Variants in ADGRF5 observed in about 807,000 individuals in gnomAD.
ADGRF5 encodes adhesion G protein-coupled receptor F5.
Under a neutral mutation model 132.3 loss-of-function variants are expected in ADGRF5, and 75 were observed. The observed-to-expected ratio is 0.57, with a 90% CI of 0.47 to 0.69. The LOEUF (loss-of-function observed/expected upper bound fraction) is 0.69, where lower values mean the gene tolerates loss of function less well. Among genes scored for constraint, ADGRF5 ranks in the 30% least tolerant of loss-of-function variants. The pLI, the probability that ADGRF5 is intolerant of heterozygous loss-of-function variation, is 0.00. For missense variants in ADGRF5, 1,516 were observed against 1,630.6 expected, an observed-to-expected ratio of 0.93 and a Z score of 1.21; for synonymous variants, 629 against 597.6, an observed-to-expected ratio of 1.05 and a Z score of -0.77.
At chr6:46,894,533 C>G (rs1167504395) in intron 3 of ADGRF5, among the ~76,000 whole-genome samples, 1 of 152,128 alleles carries the variant, frequency 6.6e-6, no homozygotes, top group Non-Finnish European at 1.5e-5. Flanking sequence ...ACCAGTCTTC[C>G]TTACACTACA....
intron 20 of ADGRF5, among the ~76,000 whole-genome samples, chr6:46,855,234 T>C (rs1768904491): frequency 6.6e-6 from 1 of 152,222 alleles, no homozygotes; most frequent in Non-Finnish European, 1.5e-5. Flanking sequence ...GAATCAATAA[T>C]AGCAGGGTTG....
chr6:46,952,100 G>A (rs1778522365), intron 1 of ADGRF5, among the ~76,000 whole-genome samples: 1 of 152,094 alleles, frequency 6.6e-6, no homozygotes, highest in Admixed American at 6.5e-5. Flanking sequence ...AAAAGTTGTG[G>A]ACCCACCCAA....
intron 10 of ADGRF5, among the ~76,000 whole-genome samples, chr6:46,877,466 G>A (rs150391701): frequency 2.6e-5 from 4 of 151,026 alleles, no homozygotes; most frequent in African/African-American, 9.8e-5. Flanking sequence ...CAAATTGGAA[G>A]TAAAATGCTT....
chr6:46,942,025 A>T (rs1246350439), intron 1 of ADGRF5, among the ~76,000 whole-genome samples: 1 of 152,146 alleles, frequency 6.6e-6, no homozygotes, highest in African/African-American at 2.4e-5. Context: ...TTGTCATCTT[A>T]CTTTACCTTT....
chr6:46,877,487 G>A lies in ADGRF5; in HGVS notation c.1240+715C>T, dbSNP rs138148178. Among the ~76,000 whole-genome samples the A allele has an allele frequency of 2.6e-5, 4 of 151,188 alleles. No homozygotes were observed. In the East Asian group the frequency reaches 7.8e-4, roughly 29 times the overall value. On this transcript the variant is annotated intron_variant, in intron 10 of 20. Transcript: ENST00000283296. Reference sequence around the variant, plus strand: ...GGAAGTAAAATGCTTCAAATTTGTGGTCAAGCAATTTAAAAGCAGTAACAT... The same window carrying A: ...GGAAGTAAAATGCTTCAAATTTGTGATCAAGCAATTTAAAAGCAGTAACAT...
At chr6:46,933,318 C>T (rs1201935123) in intron 1 of ADGRF5, among the ~76,000 whole-genome samples, 1 of 152,174 alleles carries the variant, frequency 6.6e-6, no homozygotes, top group African/African-American at 2.4e-5. Context: ...ACATATCGCT[C>T]AGTAAAGTAA....
In ADGRF5 at chr6:46,868,991, TC is replaced by T; in HGVS notation, c.1512del (p.Trp504Ter). 1 of 1,612,940 alleles carries T rather than the reference TC, an allele frequency of 6.2e-7. No homozygotes were observed. Among genetic ancestry groups the T allele is most frequent in the Non-Finnish European group, 8.5e-7 (1 of 1,178,876 alleles). Reference protein sequence around the residue: ...SDVSNYDEVYWNTSAGIKIYQ... With the variant: ...SDVSNYDEVYXNTSAGIKIYQ... Reference sequence around the variant, plus strand: ...TATATTTTAATTCCAGCAGAAGTGTTCCAATAAACCTCATCATAGTTACTCA... The same window carrying T: ...TATATTTTAATTCCAGCAGAAGTGTTCAATAAACCTCATCATAGTTACTCA... On this transcript the variant is annotated frameshift_variant, in exon 12 of 21. Transcript: ENST00000283296. LOFTEE classifies it high-confidence loss of function.
upstream of ADGRF5, among the ~76,000 whole-genome samples, chr6:46,923,797 A>T (rs1404524307): frequency 6.6e-6 from 1 of 152,176 alleles, no homozygotes; most frequent in African/African-American, 2.4e-5. Flanking sequence ...AAAAAATGCA[A>T]CCACCATATG....
At chr6:46,916,946 G>A (rs1262461604) in intron 1 of ADGRF5, among the ~76,000 whole-genome samples, 2 of 152,126 alleles carry the variant, frequency 1.3e-5, no homozygotes, top group African/African-American at 2.4e-5. Context: ...TTCTTCTCGC[G>A]CTATTCTTGG....
intron 12 of ADGRF5, among the ~76,000 whole-genome samples, chr6:46,867,579 A>G (rs1179996232): frequency 6.6e-6 from 1 of 152,168 alleles, no homozygotes; most frequent in Non-Finnish European, 1.5e-5. Flanking sequence ...TCTCTAAGTG[A>G]GCAGGCCCTT....
intron 1 of ADGRF5, among the ~76,000 whole-genome samples, chr6:46,931,061 A>G (rs993840286): frequency 6.6e-6 from 1 of 151,766 alleles, no homozygotes; most frequent in African/African-American, 2.4e-5. Flanking sequence ...TTGAAAAAAA[A>G]TAATAAACAT....
intron 1 of ADGRF5, among the ~76,000 whole-genome samples, chr6:46,939,162 G>T (rs151336660): frequency 6.6e-6 from 1 of 152,176 alleles, no homozygotes; most frequent in Non-Finnish European, 1.5e-5. Flanking sequence ...GAGCCACCAC[G>T]CCCAGCCTTT....
chr6:46,942,208 A>G (rs1289685653), intron 1 of ADGRF5, among the ~76,000 whole-genome samples: 2 of 152,146 alleles, frequency 1.3e-5, no homozygotes, highest in Non-Finnish European at 1.5e-5. Flanking sequence ...GCTGAACTGC[A>G]TTACAATGCT....
At chr6:46,931,470 C>G (rs1777552699) in intron 1 of ADGRF5, among the ~76,000 whole-genome samples, 1 of 152,230 alleles carries the variant, frequency 6.6e-6, no homozygotes, top group Non-Finnish European at 1.5e-5. Flanking sequence ...ATTAGCTGTT[C>G]TCATCTCCCT....
intron 1 of ADGRF5, among the ~76,000 whole-genome samples, chr6:46,936,110 C>T (rs1414496592): frequency 6.6e-6 from 1 of 152,166 alleles, no homozygotes. Context: ...CACAGTGTGT[C>T]GGGTCCTGCT....
upstream of ADGRF5, among the ~76,000 whole-genome samples, chr6:46,926,310 C>G (rs1300212834): frequency 2.0e-5 from 3 of 152,084 alleles, no homozygotes; most frequent in Non-Finnish European, 4.4e-5. Flanking sequence ...ATTTTTTGAG[C>G]CAACTGGACA....
At chr6:46,943,337 A>T (rs988520970) in intron 1 of ADGRF5, among the ~76,000 whole-genome samples, 1 of 152,218 alleles carries the variant, frequency 6.6e-6, no homozygotes, top group Non-Finnish European at 1.5e-5. Flanking sequence ...TTTAAATCTT[A>T]TACTTTTCCC....
chr6:46,888,844 T>A (rs665712), intron 3 of ADGRF5, among the ~76,000 whole-genome samples: 3 of 151,978 alleles, frequency 2.0e-5, no homozygotes, highest in Non-Finnish European at 4.4e-5. Flanking sequence ...GTATGCATCA[T>A]TCGATAGATG....
At chr6:46,940,052 A>G (rs912511404) in intron 1 of ADGRF5, among the ~76,000 whole-genome samples, 3 of 152,068 alleles carry the variant, frequency 2.0e-5, no homozygotes, top group Non-Finnish European at 2.9e-5. Flanking sequence ...GTAGTTCTGT[A>G]TCTGAAACCA....
Sources: allele counts gnomAD v4.1 joint callset (sites outside exome capture counted in the v4.1 genomes callset), GRCh38; gene constraint gnomAD v4.1.1; transcripts MANE v1.5; gene names NCBI Gene and HGNC (gene_info 2026-07-23, HGNC 2026-07-21).